Variants in POU1F1 observed in about 807,000 individuals in gnomAD.
POU1F1 encodes pituitary-specific positive transcription factor 1.
In POU1F1, 23 loss-of-function variants were observed where a neutral mutation model predicts 32.3. That is an observed-to-expected ratio of 0.71 (90% confidence interval 0.51 to 1.01). The LOEUF (loss-of-function observed/expected upper bound fraction) is 1.01, where lower values mean the gene tolerates loss of function less well. Among genes scored for constraint, POU1F1 ranks in the 50% least tolerant of loss-of-function variants. POU1F1 has a pLI of 0.00. For missense variants in POU1F1, 323 were observed against 341.6 expected, an observed-to-expected ratio of 0.95 and a Z score of 0.43; for synonymous variants, 120 against 115.6, an observed-to-expected ratio of 1.04 and a Z score of -0.25.
At chr3:87,276,292 C>A in intron 1 of POU1F1, 29 bp downstream of exon 1, 1 of 1,609,444 alleles carries the variant, frequency 6.2e-7, no homozygotes, top group South Asian at 1.1e-5. Context: ...TAGGCCCGGT[C>A]ATATGTAAAC....
chr3:87,275,377 AAGAT>A (rs1230743012), intron 1 of POU1F1, among the ~76,000 whole-genome samples: 6 of 152,036 alleles, frequency 3.9e-5, no homozygotes, highest in Admixed American at 6.6e-5. Flanking sequence ...ATAATAACAA[AAGAT>A]AGAGCTTAAA....
chr3:87,264,170 A>G (rs1412525832), intron 3 of POU1F1, 118 bp downstream of exon 3: 1 of 831,278 alleles, frequency 1.2e-6, no homozygotes, highest in African/African-American at 1.7e-5. Context: ...AACTACGTCC[A>G]CAGTAGAGAT....
chr3:87,276,028 A>G (rs1041373247), intron 1 of POU1F1, among the ~76,000 whole-genome samples: 1 of 152,166 alleles, frequency 6.6e-6, no homozygotes, highest in Non-Finnish European at 1.5e-5. Flanking sequence ...TCCATTAAAA[A>G]GGTTTTTAGA....
At chr3:87,268,006 A>G (rs576841080) in intron 2 of POU1F1, among the ~76,000 whole-genome samples, 2 of 151,726 alleles carry the variant, frequency 1.3e-5, no homozygotes, top group African/African-American at 4.8e-5. Flanking sequence ...CACAGAAAAT[A>G]CCATGCTCCA....
rs201794303 is a variant in POU1F1, at chr3:87,276,340, G to T, written c.123C>A (p.Ala41=). Residue 41 remains alanine (A), a synonymous_variant, in exon 1 of 6, where the codon GCC becomes GCA. Transcript: ENST00000350375. The part of the protein sequence containing the change: ...AAECLPVSNH[A]TNVMSTATGL... ...CAGTACCTGTAGACATCACATTGGT[G>T]GCATGGTTGGAGACTGGTAGACACT... 1.1e-5 allele frequency: 17 copies of T among 1,613,920 alleles called. No homozygotes were observed. The highest frequency in any genetic ancestry group is 1.7e-4 in the Middle Eastern group (1 of 6,060).
intron 3 of POU1F1, 136 bp from the exon 4 acceptor site, chr3:87,262,371 A>T: frequency 1.1e-6 from 1 of 913,500 alleles, no homozygotes; most frequent in Non-Finnish European, 1.7e-6. Flanking sequence ...GCAAATCAGA[A>T]TTATTTAGTA....
intron 3 of POU1F1, among the ~76,000 whole-genome samples, chr3:87,263,468 GC>G (rs1191961781): frequency 6.6e-6 from 1 of 152,050 alleles, no homozygotes; most frequent in Non-Finnish European, 1.5e-5. Context: ...AAAAACTCAT[GC>G]CGTTTTGGAG....
intron 3 of POU1F1, 35 bp downstream of exon 3, chr3:87,264,253 A>C: frequency 6.5e-7 from 1 of 1,530,086 alleles, no homozygotes; most frequent in South Asian, 1.1e-5. Context: ...TTGCAAACCA[A>C]GTTCTTTTTC....
At chr3:87,273,226 G>T in intron 2 of POU1F1, 121 bp downstream of exon 2, 1 of 1,096,414 alleles carries the variant, frequency 9.1e-7, no homozygotes, top group Non-Finnish European at 1.3e-6. Flanking sequence ...ATTTTTAACA[G>T]TAATTTTCAA....
intron 3 of POU1F1, among the ~76,000 whole-genome samples, chr3:87,263,557 T>G (rs957283715): frequency 6.6e-6 from 1 of 152,138 alleles, no homozygotes; most frequent in African/African-American, 2.4e-5. Flanking sequence ...GAGACCAGTT[T>G]GATAACATCT....
intron 3 of POU1F1, among the ~76,000 whole-genome samples, chr3:87,263,738 T>G (rs1706555863): frequency 6.6e-6 from 1 of 152,006 alleles, no homozygotes; most frequent in East Asian, 1.9e-4. Flanking sequence ...AGAGGACTGG[T>G]CAAATAAATT....
intron 2 of POU1F1, among the ~76,000 whole-genome samples, chr3:87,265,879 T>C (rs999662099): frequency 6.6e-6 from 1 of 151,856 alleles, no homozygotes; most frequent in Non-Finnish European, 1.5e-5. Flanking sequence ...ATGTGCCACA[T>C]AGAAGGATGA....
At position 87,260,097 on chromosome 3, in the gene POU1F1, C is replaced by T. The variant is rs1023271926; in HGVS notation, c.673G>A (p.Ala225Thr). Residue 225 changes from alanine to threonine, a missense_variant, in exon 6 of 6, where the codon GCT (alanine) becomes ACT (threonine). Coordinates refer to ENST00000350375, the MANE Select transcript of POU1F1 (RefSeq NM_000306.4). Reference protein sequence around the residue: ...RKRRTTISIAAKDALERHFGE... With the variant: ...RKRRTTISIATKDALERHFGE... ...AAGTGTCTCTCCAGAGCATCTTTAG[C>T]AGCAATGCTGGCGGGGGGTGGACAT... 1 of 1,613,398 alleles carries T rather than the reference C, an allele frequency of 6.2e-7. No individual in the cohort carries two copies.
At chr3:87,276,233 C>T (rs1706822580) in intron 1 of POU1F1, 88 bp downstream of exon 1, 3 of 1,495,506 alleles carry the variant, frequency 2.0e-6, no homozygotes, top group East Asian at 2.3e-5. Context: ...ATGAAAGATG[C>T]AAAGAGATTA....
intron 3 of POU1F1, among the ~76,000 whole-genome samples, chr3:87,263,823 T>C (rs1265814264): frequency 6.6e-6 from 1 of 151,886 alleles, no homozygotes; most frequent in African/African-American, 2.4e-5. Context: ...TACTGAAAAC[T>C]TCAAATAATA....
At chr3:87,266,321 A>G (rs896157195) in intron 2 of POU1F1, among the ~76,000 whole-genome samples, 1 of 146,728 alleles carries the variant, frequency 6.8e-6, no homozygotes, top group African/African-American at 2.5e-5. Context: ...TTTATATAAA[A>G]TATGTAATTA....
chr3:87,267,167 A>C (rs1036500998), intron 2 of POU1F1, among the ~76,000 whole-genome samples: 1 of 152,128 alleles, frequency 6.6e-6, no homozygotes, highest in South Asian at 2.1e-4. Context: ...TCTCTTGCTG[A>C]TCATAATTAT....
chr3:87,261,236 A>G (rs1268923544), intron 5 of POU1F1, 37 bp downstream of exon 5: 1 of 1,342,584 alleles, frequency 7.4e-7, no homozygotes, highest in African/African-American at 1.4e-5. Context: ...ATAAAATACC[A>G]GTTTTGTCCT....
chr3:87,272,268 G>T (rs540482853), intron 2 of POU1F1, among the ~76,000 whole-genome samples: 1 of 151,784 alleles, frequency 6.6e-6, no homozygotes, highest in Non-Finnish European at 1.5e-5. Context: ...TCCTGCTGTA[G>T]TAATAAAGAT....
Sources: gnomAD v4.1 joint callset for allele counts (sites outside exome capture counted in the v4.1 genomes callset) on GRCh38, gnomAD v4.1.1 for gene constraint, MANE v1.5 for transcripts, NCBI Gene and HGNC (gene_info 2026-07-23, HGNC 2026-07-21) for gene names.